WWOX: variants seen among roughly 807,000 people sequenced by gnomAD.
The protein encoded by WWOX is WW domain-containing oxidoreductase.
Under a neutral mutation model 46.2 loss-of-function variants are expected in WWOX, and 69 were observed. That is an observed-to-expected ratio of 1.49 (90% confidence interval 1.23 to 1.82). The LOEUF (loss-of-function observed/expected upper bound fraction) is 1.82. Among genes scored for constraint, WWOX ranks in the 40% most tolerant of loss-of-function variants. WWOX has a pLI of 0.00. For missense variants in WWOX, 919 were observed against 542.6 expected (o/e 1.69, Z -6.89); for synonymous variants, 359 against 202.6 (o/e 1.77, Z -6.56).
chr16:78,632,302 C>T (rs1045172299), intron 8 of WWOX, among the ~76,000 whole-genome samples: 14 of 152,102 alleles, frequency 9.2e-5, no homozygotes, highest in African/African-American at 3.4e-4. Context: ...TGATATAATT[C>T]ACTAAAACAC....
chr16:79,055,289 G>A (rs948263851), intron 8 of WWOX, among the ~76,000 whole-genome samples: 1 of 152,166 alleles, frequency 6.6e-6, no homozygotes, highest in Non-Finnish European at 1.5e-5. Flanking sequence ...AGTTCACATT[G>A]TGATAAAGAT....
At chr16:78,881,987 G>A (rs1297965179) in intron 8 of WWOX, among the ~76,000 whole-genome samples, 1 of 152,030 alleles carries the variant, frequency 6.6e-6, no homozygotes, top group Admixed American at 6.5e-5. Context: ...TTAGGTGGGT[G>A]TGGTGGCGCA....
intron 8 of WWOX, among the ~76,000 whole-genome samples, chr16:78,673,920 A>G (rs529012392): frequency 3.3e-5 from 5 of 152,288 alleles, no homozygotes; most frequent in Admixed American, 1.3e-4. Context: ...GGTTCATCCC[A>G]TTTGAGTTAT....
At chr16:78,664,603 G>C (rs1268652623) in intron 8 of WWOX, among the ~76,000 whole-genome samples, 1 of 152,150 alleles carries the variant, frequency 6.6e-6, no homozygotes, top group African/African-American at 2.4e-5. Flanking sequence ...TCTGTGTCCA[G>C]ATGTTTTATG....
In WWOX at chr16:78,769,920, G is replaced by C. The variant is rs1379811950; in HGVS notation, c.1056+337168G>C. On this transcript the variant is annotated intron_variant, in intron 8 of 8. Coordinates refer to ENST00000566780, the MANE Select transcript of WWOX (RefSeq NM_016373.4). ...GTTGGGCGTGTGTGGTGGAGCATGT[G>C]GGGGTCCCAGCTACTTGGCAGGCTG... Among the ~76,000 whole-genome samples the C allele has an allele frequency of 2.6e-5, 4 of 152,082 alleles. No homozygotes were observed. In the East Asian group the frequency reaches 7.7e-4, roughly 29 times the overall value.
chr16:78,716,539 A>T (rs1036956241), intron 8 of WWOX, among the ~76,000 whole-genome samples: 1 of 152,030 alleles, frequency 6.6e-6, no homozygotes, highest in Non-Finnish European at 1.5e-5. Context: ...TTGGGTCCCT[A>T]TGTCACCTGT....
At chr16:79,076,097 A>G (rs2150573835) in intron 8 of WWOX, among the ~76,000 whole-genome samples, 1 of 152,346 alleles carries the variant, frequency 6.6e-6, no homozygotes, top group South Asian at 2.1e-4. Context: ...CCAATGATAC[A>G]TTGCCGAGAT....
At chr16:78,944,237 G>A (rs1421689793) in intron 8 of WWOX, among the ~76,000 whole-genome samples, 1 of 152,040 alleles carries the variant, frequency 6.6e-6, no homozygotes, top group Non-Finnish European at 1.5e-5. Context: ...CCAGATAAAA[G>A]TTGACTCTCA....
intron 8 of WWOX, among the ~76,000 whole-genome samples, chr16:78,849,304 C>G (rs1002228499): frequency 3.3e-5 from 5 of 152,138 alleles, no homozygotes; most frequent in African/African-American, 9.7e-5. Flanking sequence ...GGCGCGGTGG[C>G]TCATGCCTGT....
At chr16:78,731,504 C>A (rs979141309) in intron 8 of WWOX, among the ~76,000 whole-genome samples, 3 of 152,090 alleles carry the variant, frequency 2.0e-5, no homozygotes, top group Non-Finnish European at 2.9e-5. Context: ...TTCTTGTTTC[C>A]CTTTGTTAAT....
At chr16:78,967,285 C>CTTT in intron 8 of WWOX, among the ~76,000 whole-genome samples, 1 of 94,596 alleles carries the variant, frequency 1.1e-5, no homozygotes, top group Non-Finnish European at 2.2e-5. Flanking sequence ...CCTGCCGAGG[C>CTTT]CTTTTTTTTT....
At chr16:78,402,236 C>G (rs778640704) in intron 6 of WWOX, among the ~76,000 whole-genome samples, 6 of 152,152 alleles carry the variant, frequency 3.9e-5, no homozygotes, top group Non-Finnish European at 8.8e-5. Flanking sequence ...TTAGATAATA[C>G]ATGGCCTTTT....
intron 8 of WWOX, among the ~76,000 whole-genome samples, chr16:78,437,531 C>T (rs1277729365): frequency 6.6e-6 from 1 of 152,182 alleles, no homozygotes; most frequent in Non-Finnish European, 1.5e-5. Context: ...AATCAATTCT[C>T]AGCACAGCGG....
At chr16:78,536,195 G>A (rs1328095100) in intron 8 of WWOX, among the ~76,000 whole-genome samples, 1 of 152,128 alleles carries the variant, frequency 6.6e-6, no homozygotes, top group Non-Finnish European at 1.5e-5. Flanking sequence ...ATGCATGGGT[G>A]TAATTTGGTG....
intron 8 of WWOX, among the ~76,000 whole-genome samples, chr16:78,934,994 C>G (rs781072180): frequency 6.6e-6 from 1 of 152,042 alleles, no homozygotes; most frequent in Admixed American, 6.6e-5. Flanking sequence ...CCAACAGACA[C>G]ATGAAAAAAT....
rs141477800 is a variant in WWOX at position 78,843,029 on chromosome 16, C to G, written c.1057-368579C>G. 2.0e-5 allele frequency among the ~76,000 whole-genome samples: 3 copies of G among 150,114 alleles called. 1 individual carries two copies. Among genetic ancestry groups the G allele is most frequent in the East Asian group, 2.0e-4 (1 of 5,110 alleles). ...TTTGTTAACAGGGCTGGCTATTTTACTTTAAGTGCTGCAAACATTGCACTA... is the reference window on the plus strand; with the variant it reads ...TTTGTTAACAGGGCTGGCTATTTTAGTTTAAGTGCTGCAAACATTGCACTA... On this transcript the variant is annotated intron_variant, in intron 8 of 8. Coordinates refer to ENST00000566780, the MANE Select transcript of WWOX (RefSeq NM_016373.4).
intron 8 of WWOX, among the ~76,000 whole-genome samples, chr16:79,031,306 T>C (rs1214866893): frequency 2.6e-5 from 4 of 152,084 alleles, no homozygotes; most frequent in Non-Finnish European, 2.9e-5. Flanking sequence ...GGGAGCACTG[T>C]TTGGTACTGA....
intron 8 of WWOX, among the ~76,000 whole-genome samples, chr16:78,998,796 C>G (rs2047039029): frequency 6.6e-6 from 1 of 152,240 alleles, no homozygotes; most frequent in Non-Finnish European, 1.5e-5. Flanking sequence ...CAGTCTGATC[C>G]TTGACCTTCA....
At chr16:78,418,846 G>C (rs1213328108) in intron 6 of WWOX, among the ~76,000 whole-genome samples, 1 of 152,058 alleles carries the variant, frequency 6.6e-6, no homozygotes, top group Admixed American at 6.5e-5. Flanking sequence ...CATAATTAAT[G>C]CTGAAAGATT....
Sources: gnomAD v4.1 joint callset for allele counts (sites outside exome capture counted in the v4.1 genomes callset) on GRCh38, gnomAD v4.1.1 for gene constraint, MANE v1.5 for transcripts, NCBI Gene and HGNC (gene_info 2026-07-23, HGNC 2026-07-21) for gene names.